The following ANKRD28 variants were observed in gnomAD, a reference collection of about 807,000 sequenced individuals.
The protein encoded by ANKRD28 is serine/threonine-protein phosphatase 6 regulatory ankyrin repeat subunit A.
In ANKRD28, 44 loss-of-function variants were observed where a neutral mutation model predicts 126.5. That is an observed-to-expected ratio of 0.35 (90% CI 0.27 to 0.45). The LOEUF (loss-of-function observed/expected upper bound fraction) is 0.45. ANKRD28 is among the 20% of genes least tolerant of loss of function. The probability of loss-of-function intolerance (pLI) is 1.00; values close to 1 mark genes in which losing one functional copy is unlikely to be tolerated. For synonymous variants in ANKRD28, 442 were observed against 468.5 expected, an observed-to-expected ratio of 0.94 and a Z score of 0.73; for missense variants, 1,110 against 1,316.6, an observed-to-expected ratio of 0.84 and a Z score of 2.43.
intron 1 of ANKRD28, among the ~76,000 whole-genome samples, chr3:15,828,991 AAG>A (rs2061130864): frequency 6.6e-6 from 1 of 152,202 alleles, no homozygotes; most frequent in Non-Finnish European, 1.5e-5. Flanking sequence ...CATACCCAGC[AAG>A]AGAGACAAAC....
intron 17 of ANKRD28, among the ~76,000 whole-genome samples, chr3:15,693,094 G>A (rs1365920967): frequency 1.3e-5 from 2 of 152,110 alleles, no homozygotes; most frequent in African/African-American, 2.4e-5. Flanking sequence ...ACCAGGGACT[G>A]GGGAAAGGAG....
At chr3:15,783,789 G>A (rs891594675) in intron 2 of ANKRD28, among the ~76,000 whole-genome samples, 2 of 151,942 alleles carry the variant, frequency 1.3e-5, no homozygotes, top group Non-Finnish European at 2.9e-5. Context: ...ATGACTCAGA[G>A]TTTCCCCCAA....
chr3:15,811,844 A>G (rs1272084138), intron 1 of ANKRD28, among the ~76,000 whole-genome samples: 1 of 151,990 alleles, frequency 6.6e-6, no homozygotes, highest in East Asian at 1.9e-4. Flanking sequence ...GTACCACCTA[A>G]AAAGTTAATA....
intron 26 of ANKRD28, 59 bp from the exon 27 acceptor site, chr3:15,676,048 C>A: frequency 7.2e-7 from 1 of 1,386,900 alleles, no homozygotes; most frequent in Non-Finnish European, 9.9e-7. Flanking sequence ...CATACACATA[C>A]ACACCTGGCT....
chr3:15,853,998 G>A lies in ANKRD28; in HGVS notation c.27+5379C>T, dbSNP rs1380088446. On this transcript the variant is annotated intron_variant, in intron 1 of 27. Transcript: ENST00000399451. The surrounding 1 kb of genome is among the most constrained non-coding windows in gnomAD (Gnocchi z 4.2). ...TACTAAAATATTTTACGTATGTTCT[G>A]ATTTACAGCAGTAGCTACCTAACTG... Among the ~76,000 whole-genome samples the A allele has an allele frequency of 6.6e-6, 1 of 152,122 alleles. No individual in the cohort carries two copies. The highest frequency in any genetic ancestry group is 2.4e-5 in the African/African-American group (1 of 41,414).
chr3:15,708,599 A>G (rs977113218), intron 13 of ANKRD28, among the ~76,000 whole-genome samples: 2 of 152,204 alleles, frequency 1.3e-5, no homozygotes, highest in African/African-American at 4.8e-5. Context: ...TGCCTGAAGT[A>G]CTAAAAATTA....
chr3:15,706,073 G>T (rs13084331), intron 14 of ANKRD28, among the ~76,000 whole-genome samples: 35,341 of 150,462 alleles, frequency 0.23, 4,594 homozygotes, highest in Non-Finnish European at 0.3. Flanking sequence ...TTTTTTTTTT[G>T]TGTGTGTGTG....
At chr3:15,707,889 T>C (rs761076493) in intron 14 of ANKRD28, 35 bp downstream of exon 14, 2 of 1,582,592 alleles carry the variant, frequency 1.3e-6, no homozygotes, top group Non-Finnish European at 8.6e-7. Flanking sequence ...TTTATAGAAA[T>C]ATTGATCCTC....
At chr3:15,700,400 C>T (rs2070386078) in intron 14 of ANKRD28, among the ~76,000 whole-genome samples, 1 of 151,972 alleles carries the variant, frequency 6.6e-6, no homozygotes, top group South Asian at 2.1e-4. Flanking sequence ...CACATGTATA[C>T]CTATCTAACA....
At chr3:15,687,429 A>T (rs1056058916) in intron 18 of ANKRD28, among the ~76,000 whole-genome samples, 3 of 152,166 alleles carry the variant, frequency 2.0e-5, no homozygotes, top group African/African-American at 7.2e-5. Flanking sequence ...GTACAAGTAG[A>T]AGTAGTCCAA....
chr3:15,787,647 C>G (rs879747272), intron 2 of ANKRD28, among the ~76,000 whole-genome samples: 1 of 152,156 alleles, frequency 6.6e-6, no homozygotes, highest in Non-Finnish European at 1.5e-5. Flanking sequence ...AGAGAGTGCA[C>G]ACAGCCTCAA....
At chr3:15,720,861 G>A (rs1485007367) in intron 8 of ANKRD28, 54 bp downstream of exon 8, 2 of 1,499,510 alleles carry the variant, frequency 1.3e-6, no homozygotes, top group South Asian at 1.2e-5. Flanking sequence ...CACCATTGAT[G>A]TTGTTTTAAC....
chr3:15,853,685 G>GGT lies in ANKRD28; in HGVS notation c.27+5690_27+5691dup, dbSNP rs1405693464. On this transcript the variant is annotated intron_variant, in intron 1 of 27. Coordinates refer to the ANKRD28 transcript ENST00000399451. The surrounding 1 kb of genome is among the most constrained non-coding windows in gnomAD (Gnocchi z 4.2). The stretch of plus-strand genomic sequence containing the variant: ...GGGGTTTCACCGTGTTAGCCAGGAT[G>GGT]GTCTCGATCTCCTGACCTCATGATC... 6.6e-6 allele frequency among the ~76,000 whole-genome samples: 1 copy of GGT among 152,086 alleles called. No individual in the cohort carries two copies. Among genetic ancestry groups the GGT allele is most frequent in the Non-Finnish European group, 1.5e-5 (1 of 68,000 alleles).
chr3:15,698,231 A>C (rs1003479496), intron 14 of ANKRD28, among the ~76,000 whole-genome samples: 14 of 152,174 alleles, frequency 9.2e-5, no homozygotes, highest in African/African-American at 3.4e-4. Context: ...GTATTGATGG[A>C]ATGTATCTCA....
In ANKRD28 at chr3:15,797,558, T is replaced by A. The variant is rs537019401; in HGVS notation, c.-1037A>T. Reference sequence around the variant, plus strand: ...ACTGCTTCAGGCTTTTTGTTTTCTTTAAAAAAAAAAAGGGGGGGGAAAAAC... The same window carrying A: ...ACTGCTTCAGGCTTTTTGTTTTCTTAAAAAAAAAAAAGGGGGGGGAAAAAC... On this transcript the variant is annotated 5_prime_UTR_variant, in exon 1 of 28. An upstream open reading frame in the 5' UTR loses its in-frame stop. Transcript: ENST00000683139. 1.2e-4 allele frequency: 95 copies of A among 775,432 alleles called. 1 individual carries two copies. In the Admixed American group the frequency reaches 2.3e-3, roughly 19 times the overall value. 48.0% of individuals were successfully genotyped at this position (775,432 alleles called of 1,614,324 possible).
chr3:15,746,097 G>A (rs2057457999), intron 4 of ANKRD28, among the ~76,000 whole-genome samples: 1 of 152,146 alleles, frequency 6.6e-6, no homozygotes, highest in Admixed American at 6.5e-5. Context: ...ACCAGTTCTA[G>A]GAGGTTTTGG....
At chr3:15,848,197 TC>T (rs2061566300) in intron 1 of ANKRD28, among the ~76,000 whole-genome samples, 1 of 152,162 alleles carries the variant, frequency 6.6e-6, no homozygotes. Context: ...AGGTGAAAAC[TC>T]AAAACCAGAA....
chr3:15,775,923 G>T (rs377527741), intron 2 of ANKRD28, among the ~76,000 whole-genome samples: 1 of 152,124 alleles, frequency 6.6e-6, no homozygotes, highest in African/African-American at 2.4e-5. Flanking sequence ...CCAGAGACTG[G>T]GGGGTGGGGG....
At chr3:15,798,349 T>C (rs2060371177), upstream of ANKRD28, among the ~76,000 whole-genome samples, 1 of 152,192 alleles carries the variant, frequency 6.6e-6, no homozygotes, top group Non-Finnish European at 1.5e-5. Context: ...ATAAAAACCA[T>C]GAAATTGTTT....
Sources: gnomAD v4.1 joint callset for allele counts (sites outside exome capture counted in the v4.1 genomes callset) on GRCh38, gnomAD v4.1.1 for gene constraint, Gnocchi (gnomAD v3.1) non-coding constraint, MANE v1.5 for transcripts, NCBI Gene and HGNC (gene_info 2026-07-23, HGNC 2026-07-21) for gene names.